The following GIN1 variants were observed in gnomAD, a reference collection of about 807,000 sequenced individuals.
GIN1 encodes gypsy retrotransposon integrase-like protein 1.
GIN1 carries 41 observed loss-of-function variants against 51.4 expected under a neutral mutation model. The observed-to-expected ratio is 0.80, with a 90% CI of 0.62 to 1.04. The LOEUF (loss-of-function observed/expected upper bound fraction) is 1.04, where lower values mean the gene tolerates loss of function less well. GIN1 is among the 50% of genes least tolerant of loss of function. The pLI is 0.00. For synonymous variants in GIN1, 222 were observed against 206.5 expected, an observed-to-expected ratio of 1.07 and a Z score of -0.64; for missense variants, 610 against 612.4, an observed-to-expected ratio of 1.00 and a Z score of 0.04.
At chr5:103,093,805 T>A (rs1787321365) in intron 7 of GIN1, among the ~76,000 whole-genome samples, 1 of 152,204 alleles carries the variant, frequency 6.6e-6, no homozygotes, top group African/African-American at 2.4e-5. Context: ...ATTTTAAGAT[T>A]TCTTGGTCTA....
chr5:103,087,965 C>G lies in GIN1; in HGVS notation c.1502G>C (p.Ser501Thr). Residue 501 changes from serine (S) to threonine (T), a missense_variant, in exon 8 of 8, where the codon AGT (serine) becomes ACT (threonine). By Grantham distance (58) the Ser-to-Thr change is moderately conservative. Transcript: ENST00000399004. Reference sequence around the variant, plus strand: ...ACTGAAAGTCTGCTTTTCAAGAGAACTATGATCGTCTATCAATGGAGAGAT... The same window carrying G: ...ACTGAAAGTCTGCTTTTCAAGAGAAGTATGATCGTCTATCAATGGAGAGAT... ...TKISPLIDDH[S>T]SLEKQTFSLL... 1 of 1,596,284 alleles carries G rather than the reference C, an allele frequency of 6.3e-7. No homozygotes were observed. The highest frequency in any genetic ancestry group is 8.6e-7 in the Non-Finnish European group (1 of 1,164,902).
chr5:103,096,112 C>T (rs1208633539), intron 7 of GIN1, among the ~76,000 whole-genome samples: 1 of 152,004 alleles, frequency 6.6e-6, no homozygotes, highest in African/African-American at 2.4e-5. Flanking sequence ...GAAGTCAAGG[C>T]GGGCAGGTCA....
chr5:103,107,323 G>C (rs150840011), intron 2 of GIN1, among the ~76,000 whole-genome samples: 1,584 of 146,684 alleles, frequency 0.011, 10 homozygotes, highest in Non-Finnish European at 0.015. Flanking sequence ...CTAAAATAAT[G>C]TTTTATCATC....
rs1190418779 is a variant in GIN1, at chr5:103,096,613, T to C, written c.1222A>G (p.Thr408Ala). ...ATAGGTCTTTTCAGTCTAACCCCAG[T>C]GTTGTCTCTCAGGACAGCACATCCA... ...ESGCAVLRDN[T>A]GVRLKRPIKM... Residue 408 changes from threonine (T) to alanine (A), a missense_variant, in exon 7 of 8, where the codon ACT becomes GCT. Thr to Ala is a moderately conservative substitution (Grantham distance 58). Coordinates refer to ENST00000399004, the MANE Select transcript of GIN1 (RefSeq NM_017676.2). The C allele has an allele frequency of 1.2e-6, 2 of 1,613,398 alleles. No homozygotes were observed. Among genetic ancestry groups the C allele is most frequent in the South Asian group, 1.1e-5 (1 of 91,080 alleles).
chr5:103,117,639 C>T (rs150725281), intron 1 of GIN1, among the ~76,000 whole-genome samples: 2 of 150,898 alleles, frequency 1.3e-5, no homozygotes, highest in Admixed American at 1.3e-4. Flanking sequence ...TGTATTCGTG[C>T]AATGCTGAAA....
chr5:103,094,409 T>C (rs1052636675), intron 7 of GIN1, among the ~76,000 whole-genome samples: 5 of 152,106 alleles, frequency 3.3e-5, no homozygotes, highest in Non-Finnish European at 7.4e-5. Flanking sequence ...CATACACCAG[T>C]AGTCATATTG....
At chr5:103,092,139 G>A (rs444020) in intron 7 of GIN1, among the ~76,000 whole-genome samples, 2 of 151,712 alleles carry the variant, frequency 1.3e-5, no homozygotes, top group South Asian at 4.2e-4. Flanking sequence ...GCCTCAGCCC[G>A]CTAAGTAGCT....
chr5:103,091,601 T>C (rs1787239548), intron 7 of GIN1, among the ~76,000 whole-genome samples: 1 of 152,230 alleles, frequency 6.6e-6, no homozygotes, highest in South Asian at 2.1e-4. Flanking sequence ...CTTTAGTTTC[T>C]TTGAAATTAA....
chr5:103,106,689 A>G (rs1162218790), intron 3 of GIN1, 27 bp downstream of exon 3: 2 of 1,305,942 alleles, frequency 1.5e-6, no homozygotes, highest in Non-Finnish European at 2.1e-6. Flanking sequence ...GACATTATTC[A>G]TAATACTCTA....
intron 4 of GIN1, among the ~76,000 whole-genome samples, chr5:103,100,876 A>T (rs1787552867): frequency 6.6e-6 from 1 of 152,186 alleles, no homozygotes; most frequent in African/African-American, 2.4e-5. Context: ...CTGATATTTC[A>T]AAGAGTATTC....
At chr5:103,113,185 C>T (rs1321696843) in intron 1 of GIN1, among the ~76,000 whole-genome samples, 2 of 152,280 alleles carry the variant, frequency 1.3e-5, no homozygotes, top group African/African-American at 2.4e-5. Context: ...AAACACAAAT[C>T]TTATCAAAAT....
At chr5:103,114,687 TC>T (rs1247576462) in intron 1 of GIN1, among the ~76,000 whole-genome samples, 1 of 152,210 alleles carries the variant, frequency 6.6e-6, no homozygotes, top group Non-Finnish European at 1.5e-5. Flanking sequence ...GTGCACACCC[TC>T]ATTGGTACAT....
chr5:103,117,581 T>TACACACACAC (rs3836841), intron 1 of GIN1, among the ~76,000 whole-genome samples: 1 of 149,382 alleles, frequency 6.7e-6, no homozygotes, highest in African/African-American at 2.4e-5. Flanking sequence ...GAAAAAAATA[T>TACACACACAC]ACACACACAC....
Position 103,087,942 on chromosome 5 carries a change from T to A in GIN1, c.1525A>T (p.Ser509Cys). The A allele has an allele frequency of 6.3e-7, 1 of 1,594,070 alleles. No homozygotes were observed. Among genetic ancestry groups the A allele is most frequent in the Non-Finnish European group, 8.6e-7 (1 of 1,164,136 alleles). The stretch of plus-strand genomic sequence containing the variant: ...ACCTGGTTTGAAGAGTCCAACAGAC[T>A]GAAAGTCTGCTTTTCAAGAGAACTA... ...DHSSLEKQTF[S>C]LLDSSNQVLE... The change falls in exon 8 of 8, where the codon AGT becomes TGT. Residue 509 changes from serine to cysteine, a missense_variant. Ser to Cys is a moderately radical substitution (Grantham distance 112). Transcript: ENST00000399004.
intron 7 of GIN1, among the ~76,000 whole-genome samples, chr5:103,091,906 T>A (rs1787249656): frequency 6.6e-6 from 1 of 151,832 alleles, no homozygotes; most frequent in Non-Finnish European, 1.5e-5. Context: ...GCGCCTGTAA[T>A]CCCAGCTACT....
At chr5:103,108,305 C>G (rs960914819) in intron 2 of GIN1, among the ~76,000 whole-genome samples, 7 of 152,068 alleles carry the variant, frequency 4.6e-5, no homozygotes, top group African/African-American at 1.7e-4. Context: ...AGGGTAAAAG[C>G]AGAAGTTGTT....
chr5:103,115,178 T>C (rs1787998884), intron 1 of GIN1, among the ~76,000 whole-genome samples: 1 of 152,200 alleles, frequency 6.6e-6, no homozygotes, highest in Non-Finnish European at 1.5e-5. Context: ...AAGATGTAGA[T>C]TCTCTTGACC....
chr5:103,108,832 T>A (rs1787798412), intron 1 of GIN1, 118 bp from the exon 2 acceptor site: 1 of 671,204 alleles, frequency 1.5e-6, no homozygotes, highest in Admixed American at 3.3e-5. Flanking sequence ...CAGAATTTAT[T>A]TGTGAGGGAG....
intron 1 of GIN1, among the ~76,000 whole-genome samples, chr5:103,109,548 A>G (rs967053221): frequency 1.3e-5 from 2 of 152,134 alleles, no homozygotes; most frequent in East Asian, 1.9e-4. Context: ...TTTAACTTCC[A>G]GAGAGAGTAA....
Sources: allele counts gnomAD v4.1 joint callset (sites outside exome capture counted in the v4.1 genomes callset), GRCh38; gene constraint gnomAD v4.1.1; transcripts MANE v1.5; gene names NCBI Gene and HGNC (gene_info 2026-07-23, HGNC 2026-07-21).